Variants in CAMK4 observed in about 807,000 individuals in gnomAD.
CAMK4 encodes calcium/calmodulin-dependent protein kinase type IV.
In CAMK4, 22 loss-of-function variants were observed where a neutral mutation model predicts 44.9. The ratio of observed to expected loss-of-function variants is 0.49; its 90% confidence interval spans 0.35 to 0.70. The LOEUF is 0.70. Ranked by LOEUF, CAMK4 falls within the 30% of genes least tolerant of loss-of-function variation. The pLI is 0.01. For missense variants in CAMK4, 498 were observed against 586.8 expected (o/e 0.85, Z 1.56); for synonymous variants, 218 against 215.4 (o/e 1.01, Z -0.11).
chr5:111,289,120 G>A (rs1227246953), intron 1 of CAMK4, among the ~76,000 whole-genome samples: 1 of 152,132 alleles, frequency 6.6e-6, no homozygotes, highest in Non-Finnish European at 1.5e-5. Context: ...GCTGAGATGG[G>A]TGGATCATCT....
At chr5:111,461,321 C>A (rs746200530) in intron 7 of CAMK4, among the ~76,000 whole-genome samples, 1 of 152,196 alleles carries the variant, frequency 6.6e-6, no homozygotes, top group African/African-American at 2.4e-5. Flanking sequence ...TAGCCAGAGG[C>A]AACCCCCTCT....
At chr5:111,247,215 T>C (rs544867199) in intron 1 of CAMK4, among the ~76,000 whole-genome samples, 5 of 151,072 alleles carry the variant, frequency 3.3e-5, no homozygotes, top group East Asian at 1.9e-4. Flanking sequence ...TATGTAAAAA[T>C]AGTAGGATAT....
At chr5:111,285,360 A>C (rs1751199248) in intron 1 of CAMK4, among the ~76,000 whole-genome samples, 1 of 152,236 alleles carries the variant, frequency 6.6e-6, no homozygotes, top group South Asian at 2.1e-4. Flanking sequence ...TCACATAAGC[A>C]CAGGTGGCCA....
At chr5:111,436,891 C>G (rs1403583897) in intron 5 of CAMK4, among the ~76,000 whole-genome samples, 4 of 152,186 alleles carry the variant, frequency 2.6e-5, no homozygotes, top group African/African-American at 9.7e-5. Flanking sequence ...ATTGAATATT[C>G]AGATCAACTT....
chr5:111,258,960 G>T (rs1411845780), intron 1 of CAMK4, among the ~76,000 whole-genome samples: 1 of 152,136 alleles, frequency 6.6e-6, no homozygotes, highest in African/African-American at 2.4e-5. Flanking sequence ...TCAACATACG[G>T]TATGAAATTT....
At position 111,494,212 on chromosome 5, in the gene CAMK4, T is replaced by TTGGAGGACAAAG. The variant is rs1462128569; in HGVS notation, c.*9748_*9759dup. On this transcript the variant is annotated 3_prime_UTR_variant, in exon 11 of 11. Coordinates refer to ENST00000282356, the MANE Select transcript of CAMK4 (RefSeq NM_001744.6). ...AGCCAAACACAAGAGCATGTAAGAT[T>TTGGAGGACAAAG]TGGAGGACAAAGTATAAATATTTTA... 1 of 152,120 alleles carries TTGGAGGACAAAG rather than the reference T, an allele frequency of 6.6e-6. No individual in the cohort carries two copies. Among genetic ancestry groups the TTGGAGGACAAAG allele is most frequent in the East Asian group, 1.9e-4 (1 of 5,192 alleles). 9.4% of individuals were successfully genotyped at this position (152,120 alleles called of 1,614,324 possible).
chr5:111,278,733 T>G (rs1262176468), intron 1 of CAMK4, among the ~76,000 whole-genome samples: 6 of 152,194 alleles, frequency 3.9e-5, no homozygotes, highest in Admixed American at 2.6e-4. Context: ...TAAGCAAGGC[T>G]TACCAGGCAT....
intron 5 of CAMK4, among the ~76,000 whole-genome samples, chr5:111,396,777 A>T (rs1418084623): frequency 6.6e-6 from 1 of 151,178 alleles, no homozygotes; most frequent in Non-Finnish European, 1.5e-5. Context: ...AGTAGCTGGG[A>T]CTATAGGTGT....
intron 1 of CAMK4, among the ~76,000 whole-genome samples, chr5:111,257,472 C>T (rs114331282): frequency 1.3e-5 from 2 of 152,256 alleles, no homozygotes; most frequent in Non-Finnish European, 2.9e-5. Flanking sequence ...GTCAGAATGA[C>T]AGTTATTAAA....
At chr5:111,415,682 A>G (rs140473027) in intron 5 of CAMK4, among the ~76,000 whole-genome samples, 183 of 152,342 alleles carry the variant, frequency 1.2e-3, no homozygotes, top group Non-Finnish European at 1.9e-3. Context: ...GCAAAGAATG[A>G]TCAATGGAAT....
At chr5:111,256,813 T>A (rs1749763908) in intron 1 of CAMK4, among the ~76,000 whole-genome samples, 1 of 152,184 alleles carries the variant, frequency 6.6e-6, no homozygotes, top group Non-Finnish European at 1.5e-5. Flanking sequence ...ACTTGTAAAG[T>A]GATATTCATT....
intron 9 of CAMK4, among the ~76,000 whole-genome samples, chr5:111,479,851 A>G (rs1221846355): frequency 6.6e-6 from 1 of 151,304 alleles, no homozygotes; most frequent in African/African-American, 2.4e-5. Context: ...GCTCCTAAAC[A>G]CCTCTTGAAT....
chr5:111,266,558 G>T (rs535058744), intron 1 of CAMK4, among the ~76,000 whole-genome samples: 1 of 152,240 alleles, frequency 6.6e-6, no homozygotes, highest in Non-Finnish European at 1.5e-5. Context: ...CTATTTATTA[G>T]TCTTTCTCAA....
At chr5:111,272,929 G>A (rs1256604817) in intron 1 of CAMK4, among the ~76,000 whole-genome samples, 1 of 152,084 alleles carries the variant, frequency 6.6e-6, no homozygotes, top group Non-Finnish European at 1.5e-5. Context: ...TAATTTAGGG[G>A]ACTATGCCTT....
chr5:111,484,525 C>A lies in CAMK4; in HGVS notation c.*59C>A. 2 of 1,228,948 alleles carry A rather than the reference C, an allele frequency of 1.6e-6. No individual in the cohort carries two copies. Among genetic ancestry groups the A allele is most frequent in the South Asian group, 1.8e-5 (1 of 55,206 alleles). 76.1% of individuals were successfully genotyped at this position (1,228,948 alleles called of 1,614,324 possible). ...GCATTTTATGTACTTTGTCCTTCAGCAAGAAAGGTGTGGAAGCATGATATG... is the reference window on the plus strand; with the variant it reads ...GCATTTTATGTACTTTGTCCTTCAGAAAGAAAGGTGTGGAAGCATGATATG... On this transcript the variant is annotated 3_prime_UTR_variant, in exon 11 of 11. Transcript: ENST00000282356. This position sits in a 1 kb window ranked among gnomAD's most constrained non-coding sequence, Gnocchi z 5.3.
In CAMK4 at chr5:111,301,919, GAGAA is replaced by G. The variant is rs148717614; in HGVS notation, c.162-42101_162-42098del. ...GATTAAATTTAGTTGGTTTTCATAT[GAGAA>G]AGAGAGACATCTCTTTGCTCAGTTA... is the stretch of plus-strand genomic sequence containing the variant. On this transcript the variant is annotated intron_variant, in intron 1 of 10. Transcript: ENST00000282356. 3.9e-3 allele frequency among the ~76,000 whole-genome samples: 600 copies of G among 152,222 alleles called. 4 individuals are homozygous for G. Among genetic ancestry groups the G allele is most frequent in the African/African-American group, 0.014 (571 of 41,514 alleles).
At chr5:111,459,686 CTTTT>C (rs56176713) in intron 7 of CAMK4, among the ~76,000 whole-genome samples, 3 of 86,690 alleles carry the variant, frequency 3.5e-5, no homozygotes, top group East Asian at 2.8e-4. Flanking sequence ...TAGAGACAGT[CTTTT>C]TTTTTTTTTT....
chr5:111,397,267 G>A (rs912281357), intron 5 of CAMK4, among the ~76,000 whole-genome samples: 1 of 152,138 alleles, frequency 6.6e-6, no homozygotes, highest in African/African-American at 2.4e-5. Flanking sequence ...TTGTAAAATA[G>A]GCATAGCAAT....
chr5:111,280,737 A>T (rs1477998144), intron 1 of CAMK4, among the ~76,000 whole-genome samples: 1 of 152,248 alleles, frequency 6.6e-6, no homozygotes. Flanking sequence ...TGAGCTCTAC[A>T]TGCAAATTGG....
Sources: allele counts gnomAD v4.1 joint callset (sites outside exome capture counted in the v4.1 genomes callset), GRCh38; gene constraint gnomAD v4.1.1; non-coding constraint Gnocchi (gnomAD v3.1); transcripts MANE v1.5; gene names NCBI Gene and HGNC (gene_info 2026-07-23, HGNC 2026-07-21).